DDAH1: variants seen among roughly 807,000 people sequenced by gnomAD.
DDAH1 encodes the protein dimethylarginine dimethylaminohydrolase 1, also known as N(G),N(G)-dimethylarginine dimethylaminohydrolase 1.
Under a neutral mutation model 28.8 loss-of-function variants are expected in DDAH1, and 19 were observed. The observed-to-expected ratio is 0.66, with a 90% confidence interval of 0.46 to 0.97. The LOEUF (loss-of-function observed/expected upper bound fraction) is 0.97, where lower values mean the gene tolerates loss of function less well. Ranked by LOEUF, DDAH1 falls within the 50% of genes least tolerant of loss-of-function variation. The pLI, the probability that DDAH1 is intolerant of heterozygous loss-of-function variation, is 0.00. For missense variants in DDAH1, 326 were observed against 375.9 expected, an observed-to-expected ratio of 0.87 and a Z score of 1.10; for synonymous variants, 153 against 154.4, an observed-to-expected ratio of 0.99 and a Z score of 0.07.
In DDAH1 at chr1:85,319,177, A is replaced by G. The variant is rs1661219664; in HGVS notation, c.*2275T>C. 1.3e-5 allele frequency: 2 copies of G among 152,208 alleles called. No individual in the cohort carries two copies. Among genetic ancestry groups the G allele is most frequent in the African/African-American group, 4.8e-5 (2 of 41,470 alleles). The allele number at this position is 152,208 out of a possible 1,614,324, so 9.4% of individuals were successfully genotyped here. ...TGCTGCAAGTAATTTAGGTTTTCAC[A>G]TCATCAATCATATAGGGAGTCCAAA... On this transcript the variant is annotated 3_prime_UTR_variant, in exon 6 of 6. Coordinates refer to ENST00000284031, the MANE Select transcript of DDAH1 (RefSeq NM_012137.4).
At chr1:85,514,499 T>G in intron 1 of DDAH1, among the ~76,000 whole-genome samples, 1 of 148,136 alleles carries the variant, frequency 6.8e-6, no homozygotes, top group East Asian at 2.0e-4. Flanking sequence ...CTGCACATTG[T>G]GCACATGTAC....
chr1:85,427,467 T>C (rs573347823), intron 1 of DDAH1, among the ~76,000 whole-genome samples: 3 of 152,352 alleles, frequency 2.0e-5, no homozygotes, highest in African/African-American at 7.2e-5. Flanking sequence ...TTATTCCAAC[T>C]GGTTCATATG....
intron 1 of DDAH1, among the ~76,000 whole-genome samples, chr1:85,544,415 C>T (rs1524005): frequency 0.98 from 149,878 of 152,236 alleles, 73,822 homozygotes; most frequent in Middle Eastern, 1. Context: ...TTTAACTCTA[C>T]ATTTTAAAGA....
At chr1:85,453,526 G>A (rs1557648630) in intron 1 of DDAH1, among the ~76,000 whole-genome samples, 1 of 152,122 alleles carries the variant, frequency 6.6e-6, no homozygotes, top group East Asian at 1.9e-4. Flanking sequence ...GCATATATAA[G>A]GGAATACATT....
chr1:85,454,477 A>C (rs1351804874), intron 1 of DDAH1, among the ~76,000 whole-genome samples: 1 of 152,220 alleles, frequency 6.6e-6, no homozygotes, highest in Non-Finnish European at 1.5e-5. Flanking sequence ...CAACTGGCCA[A>C]CAGGAATGGC....
At chr1:85,365,971 A>G (rs1650053289) in intron 1 of DDAH1, among the ~76,000 whole-genome samples, 1 of 152,174 alleles carries the variant, frequency 6.6e-6, no homozygotes, top group South Asian at 2.1e-4. Flanking sequence ...GGTTAGAGAC[A>G]AAGAAGTCAG....
At chr1:85,573,217 T>C (rs905184995) in intron 1 of DDAH1, among the ~76,000 whole-genome samples, 1 of 152,202 alleles carries the variant, frequency 6.6e-6, no homozygotes, top group African/African-American at 2.4e-5. Flanking sequence ...TTGTCACAAA[T>C]AAATCACTTC....
chr1:85,397,719 T>C (rs1030592818), intron 1 of DDAH1, among the ~76,000 whole-genome samples: 2 of 152,180 alleles, frequency 1.3e-5, no homozygotes, highest in Non-Finnish European at 2.9e-5. Flanking sequence ...TTGACTGAAA[T>C]GTAATATTTG....
intron 1 of DDAH1, among the ~76,000 whole-genome samples, chr1:85,550,637 T>C (rs190771466): frequency 1.2e-3 from 181 of 152,256 alleles, no homozygotes; most frequent in South Asian, 8.5e-3. Flanking sequence ...GCATGGGTGT[T>C]AGGGGGTAAA....
At chr1:85,538,290 C>T (rs1423465069) in intron 1 of DDAH1, among the ~76,000 whole-genome samples, 2 of 152,168 alleles carry the variant, frequency 1.3e-5, no homozygotes, top group Non-Finnish European at 2.9e-5. Flanking sequence ...GAAATAATTA[C>T]TGCATAAAAT....
chr1:85,373,200 C>T (rs1370319553), intron 1 of DDAH1, among the ~76,000 whole-genome samples: 1 of 152,108 alleles, frequency 6.6e-6, no homozygotes, highest in South Asian at 2.1e-4. Context: ...CTTGTTGCTT[C>T]ACTTCCTCCT....
intron 1 of DDAH1, among the ~76,000 whole-genome samples, chr1:85,508,724 C>T (rs752260413): frequency 6.6e-6 from 1 of 152,242 alleles, no homozygotes; most frequent in South Asian, 2.1e-4. Context: ...ACTGCTAGGG[C>T]AGCAGTCTGA....
At chr1:85,325,733 C>T (rs1647352888) in intron 4 of DDAH1, among the ~76,000 whole-genome samples, 1 of 151,968 alleles carries the variant, frequency 6.6e-6, no homozygotes, top group Non-Finnish European at 1.5e-5. Flanking sequence ...ATATTGATAC[C>T]TCATCCTTAC....
intron 1 of DDAH1, among the ~76,000 whole-genome samples, chr1:85,414,047 T>C (rs1393292965): frequency 2.0e-5 from 3 of 152,246 alleles, no homozygotes; most frequent in African/African-American, 4.8e-5. Flanking sequence ...TCAGGCACTG[T>C]ACATTTAACT....
intron 1 of DDAH1, among the ~76,000 whole-genome samples, chr1:85,385,070 T>G (rs1651185694): frequency 1.3e-5 from 2 of 152,216 alleles, no homozygotes; most frequent in African/African-American, 4.8e-5. Flanking sequence ...AACCATGACA[T>G]TACAATTAAC....
At chr1:85,523,447 C>T (rs1657759286) in intron 1 of DDAH1, among the ~76,000 whole-genome samples, 2 of 152,116 alleles carry the variant, frequency 1.3e-5, no homozygotes, top group Admixed American at 1.3e-4. Context: ...TATGCATTAG[C>T]ATCTTGGCTG....
chr1:85,384,425 T>G (rs1651149734), intron 1 of DDAH1, among the ~76,000 whole-genome samples: 1 of 152,188 alleles, frequency 6.6e-6, no homozygotes, highest in Non-Finnish European at 1.5e-5. Context: ...CTGTTCTGCA[T>G]CCCCTCCTCC....
intron 1 of DDAH1, among the ~76,000 whole-genome samples, chr1:85,456,846 C>G (rs960804004): frequency 1.5e-4 from 23 of 151,714 alleles, no homozygotes; most frequent in Non-Finnish European, 4.4e-5. Context: ...ACTTACAGGA[C>G]CCCCCCACCC....
intron 1 of DDAH1, among the ~76,000 whole-genome samples, chr1:85,416,119 T>C (rs1045498814): frequency 6.6e-6 from 1 of 152,196 alleles, no homozygotes; most frequent in Non-Finnish European, 1.5e-5. Context: ...TAGGACATAT[T>C]TGCATATAAT....
Sources: gnomAD v4.1 joint callset for allele counts (sites outside exome capture counted in the v4.1 genomes callset) on GRCh38, gnomAD v4.1.1 for gene constraint, MANE v1.5 for transcripts, NCBI Gene and HGNC (gene_info 2026-07-23, HGNC 2026-07-21) for gene names.